ASAP1: variants seen among roughly 807,000 people sequenced by gnomAD.
ASAP1 encodes arf-GAP with SH3 domain, ANK repeat and PH domain-containing protein 1.
ASAP1 carries 43 observed loss-of-function variants against 145.2 expected under a neutral mutation model. The observed-to-expected ratio is 0.30, with a 90% CI of 0.23 to 0.38. ASAP1 has a LOEUF of 0.38. Among genes scored for constraint, ASAP1 ranks in the 10% least tolerant of loss-of-function variants. The pLI is 1.00. For synonymous variants in ASAP1, 546 were observed against 515.5 expected, an observed-to-expected ratio of 1.06 and a Z score of -0.80; for missense variants, 1,018 against 1,355.3, an observed-to-expected ratio of 0.75 and a Z score of 3.91.
At chr8:130,385,154 G>A (rs1206208071) in intron 2 of ASAP1, among the ~76,000 whole-genome samples, 4 of 152,100 alleles carry the variant, frequency 2.6e-5, no homozygotes, top group Non-Finnish European at 4.4e-5. Flanking sequence ...GCTGGTGGTC[G>A]CTTGAGGTTC....
At chr8:130,158,208 A>T (rs989864450) in intron 12 of ASAP1, among the ~76,000 whole-genome samples, 3 of 150,484 alleles carry the variant, frequency 2.0e-5, no homozygotes, top group Non-Finnish European at 3.0e-5. Flanking sequence ...GCTTTCTTTT[A>T]AAAAAAAACA....
At chr8:130,434,619 C>T (rs1402745777) in intron 1 of ASAP1, among the ~76,000 whole-genome samples, 2 of 152,162 alleles carry the variant, frequency 1.3e-5, no homozygotes, top group African/African-American at 4.8e-5. Context: ...CGCCAAGTCA[C>T]CTTAGGCAGG....
intron 3 of ASAP1, among the ~76,000 whole-genome samples, chr8:130,321,692 A>C (rs1343674734): frequency 6.6e-6 from 1 of 152,174 alleles, no homozygotes; most frequent in East Asian, 1.9e-4. Context: ...ATTACTAGTC[A>C]CTTAAATTGT....
intron 10 of ASAP1, among the ~76,000 whole-genome samples, chr8:130,168,089 A>T (rs755800408): frequency 6.6e-6 from 1 of 152,180 alleles, no homozygotes; most frequent in Non-Finnish European, 1.5e-5. Flanking sequence ...CTTAACTGTA[A>T]CCTGAACCAT....
At chr8:130,191,204 G>C (rs1815116830) in intron 5 of ASAP1, among the ~76,000 whole-genome samples, 1 of 152,180 alleles carries the variant, frequency 6.6e-6, no homozygotes, top group Non-Finnish European at 1.5e-5. Context: ...GGGAGGCAGA[G>C]TCAGGTGTGA....
At chr8:130,074,495 C>T (rs914589188) in intron 27 of ASAP1, among the ~76,000 whole-genome samples, 3 of 118,780 alleles carry the variant, frequency 2.5e-5, no homozygotes, top group South Asian at 2.8e-4. Flanking sequence ...ACAGAGAGAA[C>T]GAGAGTAGAG....
intron 1 of ASAP1, among the ~76,000 whole-genome samples, chr8:130,402,235 G>C (rs1181049069): frequency 1.3e-5 from 2 of 152,138 alleles, no homozygotes; most frequent in African/African-American, 2.4e-5. Context: ...CTACGTTGGA[G>C]AGCAATTTAC....
At chr8:130,301,516 A>C (rs756080104) in intron 3 of ASAP1, among the ~76,000 whole-genome samples, 16 of 152,216 alleles carry the variant, frequency 1.1e-4, no homozygotes, top group African/African-American at 3.1e-4. Context: ...GGTTGAATGA[A>C]TGAAAAAAGT....
intron 4 of ASAP1, among the ~76,000 whole-genome samples, chr8:130,216,410 T>C (rs747986772): frequency 1.1e-4 from 16 of 152,222 alleles, no homozygotes; most frequent in Non-Finnish European, 1.9e-4. Flanking sequence ...AGAATTGTGG[T>C]ATTGATGAGC....
At chr8:130,328,250 T>C (rs535493850) in intron 3 of ASAP1, among the ~76,000 whole-genome samples, 43 of 152,266 alleles carry the variant, frequency 2.8e-4, no homozygotes, top group African/African-American at 9.9e-4. Flanking sequence ...AATTAGTATG[T>C]AGTGCCACAA....
At chr8:130,256,571 T>C (rs915330009) in intron 3 of ASAP1, among the ~76,000 whole-genome samples, 3 of 151,828 alleles carry the variant, frequency 2.0e-5, no homozygotes, top group African/African-American at 7.3e-5. Flanking sequence ...AAAACACGAA[T>C]GCTTCCCTCT....
intron 1 of ASAP1, among the ~76,000 whole-genome samples, chr8:130,431,093 C>G (rs982026167): frequency 6.6e-6 from 1 of 152,214 alleles, no homozygotes; most frequent in African/African-American, 2.4e-5. Flanking sequence ...GCCTTGCCAA[C>G]TGGCCAGAAA....
chr8:130,184,084 TGAA>T (rs1398983392), intron 7 of ASAP1, among the ~76,000 whole-genome samples: 3 of 152,056 alleles, frequency 2.0e-5, no homozygotes, highest in African/African-American at 7.2e-5. Flanking sequence ...ACTAAGCAAA[TGAA>T]GAAATGAGGC....
intron 13 of ASAP1, among the ~76,000 whole-genome samples, chr8:130,149,886 G>A (rs1042975866): frequency 6.6e-6 from 1 of 152,176 alleles, no homozygotes; most frequent in Admixed American, 6.5e-5. Context: ...GTGAAAAGTG[G>A]GGAACAGAAT....
At chr8:130,058,128 A>C (rs745688808) in intron 28 of ASAP1, 52 bp from the exon 29 acceptor site, 1 of 1,595,016 alleles carries the variant, frequency 6.3e-7, no homozygotes, top group East Asian at 2.2e-5. Context: ...AATGGAAAAA[A>C]AGAGCAGCGG....
chr8:130,132,490 C>T (rs2097584721), intron 15 of ASAP1, among the ~76,000 whole-genome samples: 1 of 152,144 alleles, frequency 6.6e-6, no homozygotes, highest in African/African-American at 2.4e-5. Context: ...TACAACCTTC[C>T]CCTACGTTCC....
chr8:130,209,550 TAAA>T (rs145484434), intron 5 of ASAP1, among the ~76,000 whole-genome samples: 5 of 138,714 alleles, frequency 3.6e-5, no homozygotes, highest in Non-Finnish European at 1.6e-5. Flanking sequence ...GCTCTTACAG[TAAA>T]AAAAAAAAAA....
intron 1 of ASAP1, among the ~76,000 whole-genome samples, chr8:130,426,756 A>G (rs1004708619): frequency 6.6e-5 from 10 of 152,166 alleles, no homozygotes; most frequent in Admixed American, 6.5e-4. Context: ...TCTCAGGGAA[A>G]GCCTCCTTGA....
At chr8:130,423,232 T>C (rs1829790746) in intron 1 of ASAP1, among the ~76,000 whole-genome samples, 1 of 152,208 alleles carries the variant, frequency 6.6e-6, no homozygotes, top group Non-Finnish European at 1.5e-5. Flanking sequence ...GCCACCTGCA[T>C]AGCTGGGAAA....
Sources: allele counts gnomAD v4.1 joint callset (sites outside exome capture counted in the v4.1 genomes callset), GRCh38; gene constraint gnomAD v4.1.1; transcripts MANE v1.5; gene names NCBI Gene and HGNC (gene_info 2026-07-23, HGNC 2026-07-21).